The following EIF2AK1 variants were observed in gnomAD, a reference collection of about 807,000 sequenced individuals.
EIF2AK1 encodes eukaryotic translation initiation factor 2-alpha kinase 1.
Under a neutral mutation model 77.9 loss-of-function variants are expected in EIF2AK1, and 54 were observed. The observed-to-expected ratio is 0.69, with a 90% confidence interval of 0.56 to 0.87. EIF2AK1 has a LOEUF of 0.87. Ranked by LOEUF, EIF2AK1 falls within the 40% of genes least tolerant of loss-of-function variation. EIF2AK1 has a pLI of 0.00. For missense variants in EIF2AK1, 810 were observed against 768.6 expected, an observed-to-expected ratio of 1.05 and a Z score of -0.64; for synonymous variants, 314 against 290.5, an observed-to-expected ratio of 1.08 and a Z score of -0.82.
chr7:6,037,342 T>C (rs945445982), intron 11 of EIF2AK1, 82 bp downstream of exon 11: 1 of 862,586 alleles, frequency 1.2e-6, no homozygotes, highest in Non-Finnish European at 1.9e-6. Flanking sequence ...CATGTAATCT[T>C]ATTTAGTTTA....
chr7:6,025,341 T>C (rs1787711050), intron 14 of EIF2AK1, among the ~76,000 whole-genome samples: 1 of 152,056 alleles, frequency 6.6e-6, no homozygotes, highest in South Asian at 2.1e-4. Flanking sequence ...TTTGTATTTT[T>C]AGTAGAGATG....
chr7:6,042,884 C>A, intron 8 of EIF2AK1, 49 bp downstream of exon 8: 1 of 1,523,546 alleles, frequency 6.6e-7, no homozygotes. Flanking sequence ...AGAACAAAAG[C>A]CCAATGCAGG....
rs765253138 is a variant in EIF2AK1, at chr7:6,040,924, C to T, written c.1087G>A (p.Glu363Lys). Residue 363 changes from glutamate (E) to lysine (K), a missense_variant, in exon 9 of 15, where the codon GAA becomes AAA. By Grantham distance (56) the Glu-to-Lys change is moderately conservative. Coordinates refer to ENST00000199389, the MANE Select transcript of EIF2AK1 (RefSeq NM_014413.4). ...TGACCCAAAAAGTTGACATTTTCTT[C>T]GGAAGATTCTTCGGTGGATGTGAAA... is the stretch of plus-strand genomic sequence containing the variant. Reference protein sequence around the residue: ...ESFTSTEESSEENVNFLGQTE... With the variant: ...ESFTSTEESSKENVNFLGQTE... 5.6e-6 allele frequency: 9 copies of T among 1,614,098 alleles called. No individual in the cohort carries two copies. The highest frequency in any genetic ancestry group is 3.3e-4 in the Middle Eastern group (2 of 6,060).
rs1012399297 is a variant in EIF2AK1, at chr7:6,027,728, C to G, written c.1531-767G>C. ...GAAAACAGGCTTCCATGAATTCTAG[C>G]TTCCTGAGGTGAACAGTGATGTTTT... On this transcript the variant is annotated intron_variant, in intron 13 of 14. Coordinates refer to ENST00000199389, the MANE Select transcript of EIF2AK1 (RefSeq NM_014413.4). The surrounding 1 kb of genome is among the most constrained non-coding windows in gnomAD (Gnocchi z 4.5). Among the ~76,000 whole-genome samples, 1 of 151,798 alleles carries G rather than the reference C, an allele frequency of 6.6e-6. No homozygotes were observed. The highest frequency in any genetic ancestry group is 1.5e-5 in the Non-Finnish European group (1 of 67,974).
intron 4 of EIF2AK1, chr7:6,047,333 A>G (rs1788475769): frequency 1.7e-6 from 1 of 578,586 alleles, no homozygotes; most frequent in Non-Finnish European, 3.2e-6. Flanking sequence ...AGAAATCCTA[A>G]GAATCACTAA....
rs1405317883 is a variant in EIF2AK1, at chr7:6,035,917, T to C, written c.1332+1507A>G. On this transcript the variant is annotated intron_variant, in intron 11 of 14. Transcript: ENST00000199389. This position sits in a 1 kb window ranked among gnomAD's most constrained non-coding sequence, Gnocchi z 5.5. ...GGGGCGGGGGTCAGCTGCATCCGTCTGCTACTCACTCACGGAGCCAAAGTC... is the reference window on the plus strand; with the variant it reads ...GGGGCGGGGGTCAGCTGCATCCGTCCGCTACTCACTCACGGAGCCAAAGTC... 50 of 1,547,070 alleles carry C rather than the reference T, an allele frequency of 3.2e-5. No homozygotes were observed. Among genetic ancestry groups the C allele is most frequent in the Non-Finnish European group, 4.3e-5 (49 of 1,144,816 alleles).
Position 6,035,846 on chromosome 7 carries a change from G to A in EIF2AK1, c.1332+1578C>T. On this transcript the variant is annotated intron_variant, in intron 11 of 14. Coordinates refer to ENST00000199389, the MANE Select transcript of EIF2AK1 (RefSeq NM_014413.4). The surrounding 1 kb of genome is among the most constrained non-coding windows in gnomAD (Gnocchi z 5.5). Reference sequence around the variant, plus strand: ...TCTCTTCCACGGGGAACACGCCCCTGAAGCTTGCAGTGTGCACTGCATCAA... The same window carrying A: ...TCTCTTCCACGGGGAACACGCCCCTAAAGCTTGCAGTGTGCACTGCATCAA... 1 of 1,548,254 alleles carries A rather than the reference G, an allele frequency of 6.5e-7. No individual in the cohort carries two copies. Among genetic ancestry groups the A allele is most frequent in the South Asian group, 1.2e-5 (1 of 83,772 alleles).
chr7:6,039,554 G>A (rs1426850746), intron 9 of EIF2AK1, among the ~76,000 whole-genome samples: 1 of 148,866 alleles, frequency 6.7e-6, no homozygotes, highest in Admixed American at 6.8e-5. Flanking sequence ...CTGGGAGGCG[G>A]AGGTTGCAGT....
At chr7:6,030,664 A>C (rs905636807) in intron 11 of EIF2AK1, among the ~76,000 whole-genome samples, 1 of 152,064 alleles carries the variant, frequency 6.6e-6, no homozygotes, top group African/African-American at 2.4e-5. Context: ...ACAGCCAGCT[A>C]CTTTTTGTAT....
intron 9 of EIF2AK1, 127 bp from the exon 10 acceptor site, chr7:6,038,798 G>T: frequency 1.5e-6 from 1 of 656,350 alleles, no homozygotes. Flanking sequence ...CATTAAACCT[G>T]TGTGGACTTC....
At position 6,049,941 on chromosome 7, in the gene EIF2AK1, TTAAG is replaced by T; in HGVS notation, c.378_381del (p.His126GlnfsTer2). On this transcript the variant is annotated frameshift_variant, in exon 3 of 15. Transcript: ENST00000199389. LOFTEE classifies it high-confidence loss of function. ...CGAACTCTCTCTTTAGCAGACCTCA[TTAAG>T]TGAGTAATAGCTCTGTTGTGATGTA... 2 of 1,612,728 alleles carry T rather than the reference TTAAG, an allele frequency of 1.2e-6. No homozygotes were observed. The highest frequency in any genetic ancestry group is 1.7e-6 in the Non-Finnish European group (2 of 1,179,668).
Position 6,035,627 on chromosome 7 carries a change from C to T in EIF2AK1, c.1332+1797G>A. ...AAGTGAACACTCAAGGGGAAATCAG[C>T]AACAAACGTTCACCACTCCACCTGG... is the stretch of plus-strand genomic sequence containing the variant. On this transcript the variant is annotated intron_variant, in intron 11 of 14. Coordinates refer to ENST00000199389, the MANE Select transcript of EIF2AK1 (RefSeq NM_014413.4). The surrounding 1 kb of genome is among the most constrained non-coding windows in gnomAD (Gnocchi z 5.5). 6.4e-7 allele frequency: 1 copy of T among 1,550,780 alleles called. No homozygotes were observed.
In EIF2AK1 at chr7:6,035,429, C is replaced by G. The variant is rs1034926836; in HGVS notation, c.1332+1995G>C. 4.5e-6 allele frequency: 7 copies of G among 1,544,062 alleles called. No homozygotes were observed. In the Admixed American group the frequency reaches 1.4e-4, roughly 30 times the overall value. ...CTGTGAATTCAGTGTAACGTGTAAT[C>G]AATACCCATTCTAGGGACACGACAG... On this transcript the variant is annotated intron_variant, in intron 11 of 14. Transcript: ENST00000199389. This position sits in a 1 kb window ranked among gnomAD's most constrained non-coding sequence, Gnocchi z 5.5.
chr7:6,057,126 CTTTTTTTTTTTTT>C (rs34958065), intron 1 of EIF2AK1, among the ~76,000 whole-genome samples: 1 of 90,738 alleles, frequency 1.1e-5, no homozygotes, highest in Non-Finnish European at 2.1e-5. Flanking sequence ...GACCCCATCT[CTTTTTTTTTTTTT>C]TTTTTTTTTT....
chr7:6,031,692 G>T, intron 11 of EIF2AK1: 3 of 1,195,812 alleles, frequency 2.5e-6, no homozygotes, highest in Non-Finnish European at 3.5e-6. Flanking sequence ...CGGCCCTTAT[G>T]AGAATGAGAC....
chr7:6,049,862 A>C (rs1421692594), intron 3 of EIF2AK1, 50 bp downstream of exon 3: 1 of 1,509,576 alleles, frequency 6.6e-7, no homozygotes, highest in Non-Finnish European at 9.0e-7. Flanking sequence ...AATTATCTTA[A>C]AATTAAAGTA....
At chr7:6,029,622 G>A (rs1048632271) in intron 11 of EIF2AK1, among the ~76,000 whole-genome samples, 2 of 152,114 alleles carry the variant, frequency 1.3e-5, no homozygotes, top group Non-Finnish European at 2.9e-5. Flanking sequence ...TATTAATGTA[G>A]AGCATGCTTT....
chr7:6,058,971 T>C lies in EIF2AK1; in HGVS notation c.113A>G (p.Tyr38Cys). The C allele has an allele frequency of 1.3e-6, 2 of 1,535,608 alleles. No homozygotes were observed. The highest frequency in any genetic ancestry group is 1.7e-6 in the Non-Finnish European group (2 of 1,143,746). ...DFPAEGPDPE[Y>C]DESDVPAEIQ... ...GCCGCGATCCGATCCCTCACCGTCA[T>C]ATTCGGGGTCCGGGCCCTCGGCGGG... The change falls in exon 1 of 15, where the codon TAT (tyrosine) becomes TGT (cysteine). Residue 38 changes from tyrosine (Y) to cysteine (C), a missense_variant. Tyr to Cys is a radical substitution (Grantham distance 194). Transcript: ENST00000199389.
Position 6,026,906 on chromosome 7 carries a change from G to C in EIF2AK1, c.1586C>G (p.Thr529Arg). 1.9e-6 allele frequency: 3 copies of C among 1,614,090 alleles called. No individual in the cohort carries two copies. The highest frequency in any genetic ancestry group is 2.5e-6 in the Non-Finnish European group (3 of 1,180,020). The change falls in exon 14 of 15, where the codon ACA becomes AGA. Residue 529 changes from threonine to arginine, a missense_variant. Thr to Arg is a moderately conservative substitution (Grantham distance 71). Coordinates refer to ENST00000199389, the MANE Select transcript of EIF2AK1 (RefSeq NM_014413.4). ...TAGAACTTCTGCTCGCTCCATTTCT[G>C]TTCCAAACGGCTGAAAGAGCTCTAG... is the stretch of plus-strand genomic sequence containing the variant. ...VLLELFQPFG[T>R]EMERAEVLTG...
Sources: allele counts gnomAD v4.1 joint callset (sites outside exome capture counted in the v4.1 genomes callset), GRCh38; gene constraint gnomAD v4.1.1; non-coding constraint Gnocchi (gnomAD v3.1); transcripts MANE v1.5; gene names NCBI Gene and HGNC (gene_info 2026-07-23, HGNC 2026-07-21).